The following WDR7 variants were observed in gnomAD, a reference collection of about 807,000 sequenced individuals.
WDR7 encodes the protein WD repeat-containing protein 7.
In WDR7, 46 loss-of-function variants were observed where a neutral mutation model predicts 169.4. That is an observed-to-expected ratio of 0.27 (90% CI 0.21 to 0.35). The LOEUF is 0.35. WDR7 is among the 10% of genes least tolerant of loss of function. The pLI, the probability that WDR7 is intolerant of heterozygous loss-of-function variation, is 1.00. For missense variants in WDR7, 1,534 were observed against 1,859.3 expected (o/e 0.83, Z 3.22); for synonymous variants, 612 against 666.8 (o/e 0.92, Z 1.27).
At chr18:56,740,282 A>G (rs901135746) in intron 14 of WDR7, among the ~76,000 whole-genome samples, 1 of 152,000 alleles carries the variant, frequency 6.6e-6, no homozygotes, top group African/African-American at 2.4e-5. Context: ...ATCTGCTGAA[A>G]TTCTTTATCT....
intron 26 of WDR7, among the ~76,000 whole-genome samples, chr18:56,963,763 T>A (rs952850571): frequency 6.6e-6 from 1 of 152,170 alleles, no homozygotes; most frequent in African/African-American, 2.4e-5. Flanking sequence ...GAAAACACTC[T>A]GAATACTTGT....
At chr18:56,937,479 T>G (rs2046976060) in intron 23 of WDR7, among the ~76,000 whole-genome samples, 1 of 152,218 alleles carries the variant, frequency 6.6e-6, no homozygotes, top group Non-Finnish European at 1.5e-5. Flanking sequence ...AAGTATTTCT[T>G]ATTATTATCT....
intron 19 of WDR7, among the ~76,000 whole-genome samples, chr18:56,812,566 G>T: frequency 6.6e-6 from 1 of 152,190 alleles, no homozygotes; most frequent in African/African-American, 2.4e-5. Context: ...AGCGAAGCTG[G>T]TGGTGGGGCT....
At chr18:56,686,191 T>C (rs1216929438) in intron 6 of WDR7, among the ~76,000 whole-genome samples, 159 bp downstream of exon 6, 2 of 152,190 alleles carry the variant, frequency 1.3e-5, no homozygotes, top group East Asian at 1.9e-4. Context: ...TTCTCTAGTA[T>C]GCTATGGGAG....
chr18:57,023,747 G>A (rs1246505470), intron 27 of WDR7, among the ~76,000 whole-genome samples: 1 of 152,160 alleles, frequency 6.6e-6, no homozygotes, highest in Non-Finnish European at 1.5e-5. Context: ...TGAGCAAGAG[G>A]AGGAGTTTAG....
chr18:56,882,449 TGAG>T (rs1212370729), intron 21 of WDR7, among the ~76,000 whole-genome samples: 3 of 152,232 alleles, frequency 2.0e-5, no homozygotes, highest in Non-Finnish European at 4.4e-5. Context: ...CACAGTATCT[TGAG>T]GAGATTGTGA....
chr18:56,820,140 A>G (rs898476936), intron 20 of WDR7, among the ~76,000 whole-genome samples: 2 of 151,790 alleles, frequency 1.3e-5, no homozygotes, highest in African/African-American at 2.4e-5. Context: ...TAAATACTGC[A>G]TCTAAAAACA....
At chr18:56,831,137 A>G (rs925455572) in intron 20 of WDR7, among the ~76,000 whole-genome samples, 2 of 152,096 alleles carry the variant, frequency 1.3e-5, no homozygotes, top group African/African-American at 4.8e-5. Context: ...ACTTCAAGGA[A>G]TTAGCTAGGA....
chr18:56,999,089 T>C (rs964802870), intron 26 of WDR7, among the ~76,000 whole-genome samples: 1 of 152,212 alleles, frequency 6.6e-6, no homozygotes. Flanking sequence ...TATGGAATCT[T>C]ATATTCGCAA....
At position 56,871,912 on chromosome 18, in the gene WDR7, A is replaced by G. The variant is rs527567944; in HGVS notation, c.3305-8032A>G. Reference sequence around the variant, plus strand: ...ATTTTTACTAGAAATTTACTTATATATGTCAGCTGTAACAAGTATTATGAC... The same window carrying G: ...ATTTTTACTAGAAATTTACTTATATGTGTCAGCTGTAACAAGTATTATGAC... On this transcript the variant is annotated intron_variant, in intron 20 of 27. Coordinates refer to ENST00000254442, the MANE Select transcript of WDR7 (RefSeq NM_015285.3). Among the ~76,000 whole-genome samples the G allele has an allele frequency of 4.6e-5, 7 of 152,212 alleles. No individual in the cohort carries two copies. In the East Asian group the frequency reaches 1.3e-3, roughly 29 times the overall value.
In WDR7 at chr18:56,962,472, A is replaced by G; in HGVS notation, c.4107A>G (p.Ala1369=). ...VSYYERNHRI[A]VGARHGSVAL... ...ATTATGAGCGGAATCACAGAATAGC[A>G]GTTGGAGCTCGCCATGGTTCAGTGG... The change falls in exon 26 of 28, where the codon GCA becomes GCG. Residue 1369 remains alanine, a synonymous_variant. Coordinates refer to ENST00000254442, the MANE Select transcript of WDR7 (RefSeq NM_015285.3). The G allele has an allele frequency of 6.2e-7, 1 of 1,613,138 alleles. No individual in the cohort carries two copies. The highest frequency in any genetic ancestry group is 8.5e-7 in the Non-Finnish European group (1 of 1,179,368).
At chr18:56,695,733 C>T (rs767162728) in intron 11 of WDR7, among the ~76,000 whole-genome samples, 45 of 152,056 alleles carry the variant, frequency 3.0e-4, no homozygotes, top group Non-Finnish European at 5.6e-4. Context: ...GACAGTTTCA[C>T]CATGTTGGCC....
intron 15 of WDR7, 61 bp from the exon 16 acceptor site, chr18:56,758,804 A>G: frequency 1.5e-6 from 2 of 1,320,898 alleles, no homozygotes; most frequent in South Asian, 2.8e-5. Context: ...TTTTATTTTA[A>G]ATAGTTCTGG....
chr18:56,754,879 T>G (rs2043859402), intron 14 of WDR7, among the ~76,000 whole-genome samples: 1 of 152,284 alleles, frequency 6.6e-6, no homozygotes, highest in East Asian at 1.9e-4. Context: ...TTTGCCAAAT[T>G]ACTCTTTTAA....
At chr18:57,030,418 GC>G, downstream of WDR7, 1 of 152,164 alleles carries the variant, frequency 6.6e-6, no homozygotes, top group Non-Finnish European at 1.5e-5. Context: ...CCTATTAAAT[GC>G]CCACTGTGGG....
At chr18:57,004,415 T>C (rs2048026757) in intron 26 of WDR7, among the ~76,000 whole-genome samples, 3 of 152,070 alleles carry the variant, frequency 2.0e-5, no homozygotes, top group Admixed American at 1.3e-4. Flanking sequence ...AAATAGTACT[T>C]AGGAGATTGA....
intron 14 of WDR7, among the ~76,000 whole-genome samples, chr18:56,737,843 T>C (rs1219636388): frequency 6.6e-6 from 1 of 152,172 alleles, no homozygotes; most frequent in Admixed American, 6.5e-5. Context: ...ACTGTTTTTG[T>C]CCTTAGAAGA....
At chr18:56,804,213 T>C (rs1456519342) in intron 19 of WDR7, among the ~76,000 whole-genome samples, 1 of 152,210 alleles carries the variant, frequency 6.6e-6, no homozygotes, top group Non-Finnish European at 1.5e-5. Flanking sequence ...TTTTATTTGT[T>C]ACCTCTCTGG....
At chr18:56,738,487 G>A (rs953567651) in intron 14 of WDR7, among the ~76,000 whole-genome samples, 1 of 152,142 alleles carries the variant, frequency 6.6e-6, no homozygotes, top group African/African-American at 2.4e-5. Context: ...GAGCCCAGGA[G>A]GTTGAGGCTG....
Sources: allele counts gnomAD v4.1 joint callset (sites outside exome capture counted in the v4.1 genomes callset), GRCh38; gene constraint gnomAD v4.1.1; transcripts MANE v1.5; gene names NCBI Gene and HGNC (gene_info 2026-07-23, HGNC 2026-07-21).